CUX2: variants seen among roughly 807,000 people sequenced by gnomAD.
The protein encoded by CUX2 is cut like homeobox 2, also known as homeobox protein cut-like 2.
CUX2 carries 40 observed loss-of-function variants against 144.8 expected under a neutral mutation model. The observed-to-expected ratio is 0.28, with a 90% CI of 0.21 to 0.36. The LOEUF is 0.36. Ranked by LOEUF, CUX2 falls within the 10% of genes least tolerant of loss-of-function variation. The pLI is 1.00. For synonymous variants in CUX2, 827 were observed against 875.6 expected, an observed-to-expected ratio of 0.94 and a Z score of 0.98; for missense variants, 1,615 against 1,994.0, an observed-to-expected ratio of 0.81 and a Z score of 3.62.
chr12:111,146,555 C>T, intron 1 of CUX2, among the ~76,000 whole-genome samples: 1 of 152,186 alleles, frequency 6.6e-6, no homozygotes, highest in East Asian at 1.9e-4. Context: ...TTGTGGGTGG[C>T]CAATCTGTAG....
At chr12:111,067,021 C>A (rs1370828350) in intron 1 of CUX2, among the ~76,000 whole-genome samples, 1 of 152,162 alleles carries the variant, frequency 6.6e-6, no homozygotes, top group South Asian at 2.1e-4. Flanking sequence ...TCATGATAAC[C>A]GACTTGGAGA....
At chr12:111,111,454 TG>T (rs944661667) in intron 1 of CUX2, among the ~76,000 whole-genome samples, 1 of 152,166 alleles carries the variant, frequency 6.6e-6, no homozygotes, top group Non-Finnish European at 1.5e-5. Flanking sequence ...TAAACAAGGT[TG>T]GGTCTCCCCG....
chr12:111,128,804 A>T (rs1875254216), intron 1 of CUX2, among the ~76,000 whole-genome samples: 2 of 152,220 alleles, frequency 1.3e-5, no homozygotes, highest in Non-Finnish European at 2.9e-5. Context: ...GACTCCAGAT[A>T]GCATCCTTAT....
chr12:111,330,470 C>T (rs937699049), intron 18 of CUX2, among the ~76,000 whole-genome samples: 1 of 151,574 alleles, frequency 6.6e-6, no homozygotes, highest in Non-Finnish European at 1.5e-5. Flanking sequence ...CTCTGAACCT[C>T]GGTTTCCTCA....
At chr12:111,055,914 G>T (rs1592852915) in intron 1 of CUX2, among the ~76,000 whole-genome samples, 1 of 152,224 alleles carries the variant, frequency 6.6e-6, no homozygotes, top group Non-Finnish European at 1.5e-5. Context: ...TCGCAGCCTA[G>T]CTCTGCCGTG....
chr12:111,167,875 G>C (rs1008253035), intron 1 of CUX2, among the ~76,000 whole-genome samples: 15 of 151,866 alleles, frequency 9.9e-5, no homozygotes, highest in Non-Finnish European at 2.2e-4. Context: ...TTGTATTTTT[G>C]TAGAGAAGGG....
chr12:111,249,610 C>A (rs1320604640), intron 3 of CUX2, among the ~76,000 whole-genome samples: 1 of 151,760 alleles, frequency 6.6e-6, no homozygotes, highest in African/African-American at 2.4e-5. Flanking sequence ...GCACGCGACA[C>A]CATGCCCAGC....
chr12:111,324,177 C>T (rs564761164), intron 18 of CUX2, among the ~76,000 whole-genome samples: 34 of 151,978 alleles, frequency 2.2e-4, no homozygotes, highest in African/African-American at 6.0e-4. Flanking sequence ...GGTGAAACCC[C>T]GTCTCTACTA....
intron 9 of CUX2, among the ~76,000 whole-genome samples, chr12:111,303,908 G>T (rs949933846): frequency 5.3e-5 from 8 of 152,162 alleles, no homozygotes; most frequent in African/African-American, 1.9e-4. Flanking sequence ...CATAGAGCAG[G>T]AATGTTCTGA....
chr12:111,113,364 A>C (rs976524006), intron 1 of CUX2, among the ~76,000 whole-genome samples: 1 of 152,158 alleles, frequency 6.6e-6, no homozygotes, highest in African/African-American at 2.4e-5. Context: ...TTTGACCACA[A>C]TCAGAATATG....
At chr12:111,116,683 C>A (rs1436889709) in intron 1 of CUX2, among the ~76,000 whole-genome samples, 1 of 152,088 alleles carries the variant, frequency 6.6e-6, no homozygotes, top group African/African-American at 2.4e-5. Flanking sequence ...TGGAAGAGAC[C>A]AGAGATAGTT....
intron 1 of CUX2, among the ~76,000 whole-genome samples, chr12:111,065,785 C>T (rs1870996901): frequency 6.6e-6 from 1 of 152,222 alleles, no homozygotes; most frequent in South Asian, 2.1e-4. Context: ...TCAGCATCCC[C>T]AAGAAATTTG....
At position 111,310,373 on chromosome 12, in the gene CUX2, G is replaced by A; in HGVS notation, c.1591G>A (p.Gly531Ser). 4 of 1,594,852 alleles carry A rather than the reference G, an allele frequency of 2.5e-6. No homozygotes were observed. The highest frequency in any genetic ancestry group is 2.6e-6 in the Non-Finnish European group (3 of 1,168,586). Residue 531 changes from glycine to serine, a missense_variant, in exon 15 of 22, where the codon GGC becomes AGC. Physicochemically the swap from Gly to Ser is moderately conservative, Grantham distance 56 (BLOSUM62 0). Around this residue, in one of 12 missense-constraint regions of CUX2, gnomAD observed 154 missense variants for 148.4 expected, o/e 1.04. Coordinates refer to ENST00000261726, the MANE Select transcript of CUX2 (RefSeq NM_015267.4). This position sits in a 1 kb window ranked among gnomAD's most constrained non-coding sequence, Gnocchi z 7.9. ...CCCGGCCCCTGGCCCTGAGCCACTGGGCGGTCCTGAGCCCGCGGATGGTGG... is the reference window on the plus strand; with the variant it reads ...CCCGGCCCCTGGCCCTGAGCCACTGAGCGGTCCTGAGCCCGCGGATGGTGG... ...ATPAPGPEPL[G>S]GPEPADGGGG...
intron 1 of CUX2, among the ~76,000 whole-genome samples, chr12:111,055,232 G>T (rs1361733595): frequency 1.3e-5 from 2 of 152,240 alleles, no homozygotes; most frequent in East Asian, 3.8e-4. Context: ...TCTGGCAGGA[G>T]TCGGGGCCTG....
rs899822167 is a variant in CUX2, at chr12:111,289,444, C to A, written c.302-1974C>A. Among the ~76,000 whole-genome samples, 4 of 152,126 alleles carry A rather than the reference C, an allele frequency of 2.6e-5. No individual in the cohort carries two copies. The highest frequency in any genetic ancestry group is 4.8e-5 in the African/African-American group (2 of 41,432). ...GATCCAAGCCAGCCTCCAGGGGATG[C>A]CGTGAGGATGCTGGGAAGCCAGTCC... On this transcript the variant is annotated intron_variant, in intron 4 of 21. Transcript: ENST00000261726. The surrounding 1 kb of genome is among the most constrained non-coding windows in gnomAD (Gnocchi z 4.1).
intron 20 of CUX2, chr12:111,339,580 C>T (rs1424137248): frequency 6.6e-6 from 1 of 152,200 alleles, no homozygotes; most frequent in Non-Finnish European, 1.5e-5. Flanking sequence ...CCGAGTCAGG[C>T]CTGGTTAGTA....
intron 1 of CUX2, among the ~76,000 whole-genome samples, chr12:111,197,111 C>T (rs908015152): frequency 6.6e-6 from 1 of 152,114 alleles, no homozygotes; most frequent in Admixed American, 6.5e-5. Flanking sequence ...CTGTTGCTTC[C>T]CAAGCCTGAG....
chr12:111,280,062 T>A (rs542635607), intron 4 of CUX2, among the ~76,000 whole-genome samples: 46 of 152,186 alleles, frequency 3.0e-4, no homozygotes, highest in African/African-American at 1.1e-3. Context: ...GGTGGATGGA[T>A]CACTTGAAGT....
At chr12:111,133,308 C>T (rs781530739) in intron 1 of CUX2, among the ~76,000 whole-genome samples, 1 of 152,116 alleles carries the variant, frequency 6.6e-6, no homozygotes, top group Non-Finnish European at 1.5e-5. Context: ...TATATTAGTT[C>T]GTTTTCACGC....
Sources: gnomAD v4.1 joint callset for allele counts (sites outside exome capture counted in the v4.1 genomes callset) on GRCh38, gnomAD v4.1.1 for gene constraint, gnomAD v4.1.1 regional missense constraint, Gnocchi (gnomAD v3.1) non-coding constraint, MANE v1.5 for transcripts, NCBI Gene and HGNC (gene_info 2026-07-23, HGNC 2026-07-21) for gene names.